LRRC4C: variants seen among roughly 807,000 people sequenced by gnomAD.
The protein encoded by LRRC4C is leucine rich repeat containing 4C, also known as leucine-rich repeat-containing protein 4C.
In LRRC4C, 5 loss-of-function variants were observed where a neutral mutation model predicts 33.6. That is an observed-to-expected ratio of 0.15 (90% CI 0.08 to 0.31). The LOEUF is 0.31. Among genes scored for constraint, LRRC4C ranks in the 10% least tolerant of loss-of-function variants. The pLI, the probability that LRRC4C is intolerant of heterozygous loss-of-function variation, is 1.00. For synonymous variants in LRRC4C, 329 were observed against 302.0 expected (o/e 1.09, Z -0.93); for missense variants, 560 against 796.7 (o/e 0.70, Z 3.58).
chr11:40,777,448 T>G (rs1950046654), intron 2 of LRRC4C, among the ~76,000 whole-genome samples: 1 of 151,920 alleles, frequency 6.6e-6, no homozygotes, highest in Non-Finnish European at 1.5e-5. Flanking sequence ...GTCTTCTTCC[T>G]GAATTAAAAC....
At chr11:40,532,673 G>T (rs1296697475) in intron 3 of LRRC4C, among the ~76,000 whole-genome samples, 2 of 147,378 alleles carry the variant, frequency 1.4e-5, no homozygotes, top group Non-Finnish European at 2.9e-5. Context: ...TAAAGTGTTA[G>T]TAGATTAAGA....
chr11:40,649,031 G>A (rs138445183), intron 2 of LRRC4C, among the ~76,000 whole-genome samples: 3 of 152,100 alleles, frequency 2.0e-5, no homozygotes, highest in African/African-American at 7.2e-5. Context: ...GCAAAAAGGA[G>A]AACAAAGATC....
chr11:40,533,150 T>C (rs151187017), intron 3 of LRRC4C, among the ~76,000 whole-genome samples: 2,561 of 152,232 alleles, frequency 0.017, 38 homozygotes, highest in South Asian at 0.033. Flanking sequence ...GCTGGTATCA[T>C]TTTGGAGCTA....
At chr11:41,175,345 G>A (rs1945152590) in intron 1 of LRRC4C, among the ~76,000 whole-genome samples, 1 of 152,078 alleles carries the variant, frequency 6.6e-6, no homozygotes, top group Non-Finnish European at 1.5e-5. Flanking sequence ...AGCTTATTCT[G>A]CAGGAGGAAA....
intron 1 of LRRC4C, among the ~76,000 whole-genome samples, chr11:41,083,489 C>G (rs1222983911): frequency 1.3e-5 from 2 of 152,144 alleles, no homozygotes; most frequent in Non-Finnish European, 2.9e-5. Flanking sequence ...CAGGGTTTTC[C>G]ATTCACAAGT....
intron 3 of LRRC4C, among the ~76,000 whole-genome samples, chr11:40,553,326 A>G (rs545085164): frequency 1.7e-4 from 26 of 152,274 alleles, no homozygotes; most frequent in African/African-American, 5.1e-4. Flanking sequence ...AAGTGTATGC[A>G]TTGATAATTT....
At position 40,224,438 on chromosome 11, in the gene LRRC4C, C is replaced by T. The variant is rs77507267; in HGVS notation, c.-96+17081G>A. Among the ~76,000 whole-genome samples the T allele has an allele frequency of 8.6e-3, 1,307 of 152,290 alleles. 18 individuals carry two copies. Among genetic ancestry groups the T allele is most frequent in the African/African-American group, 0.029 (1,190 of 41,576 alleles). On this transcript the variant is annotated intron_variant, in intron 5 of 6. Transcript: ENST00000528697. The stretch of plus-strand genomic sequence containing the variant: ...GTTCTCCGATTTACACCTTTCAAGA[C>T]GTGTGGTGCCCACAATAAATAAAAT...
At chr11:41,193,280 C>T (rs1946040274) in intron 1 of LRRC4C, among the ~76,000 whole-genome samples, 1 of 152,110 alleles carries the variant, frequency 6.6e-6, no homozygotes, top group Admixed American at 6.6e-5. Context: ...ATGCCCAAGA[C>T]TGAAGGAATC....
At chr11:40,587,243 A>G (rs1330526683) in intron 3 of LRRC4C, among the ~76,000 whole-genome samples, 1 of 148,590 alleles carries the variant, frequency 6.7e-6, no homozygotes, top group Non-Finnish European at 1.5e-5. Flanking sequence ...AGCAATTGTG[A>G]ATGGGAGTTC....
At chr11:40,885,304 T>A (rs1318343701) in intron 2 of LRRC4C, among the ~76,000 whole-genome samples, 1 of 152,074 alleles carries the variant, frequency 6.6e-6, no homozygotes, top group Non-Finnish European at 1.5e-5. Context: ...TTAAGTCCTC[T>A]TTTTTAGAGA....
At chr11:41,377,577 C>A (rs1591383476) in intron 1 of LRRC4C, among the ~76,000 whole-genome samples, 1 of 152,064 alleles carries the variant, frequency 6.6e-6, no homozygotes, top group East Asian at 1.9e-4. Context: ...TTTCCCATGG[C>A]ATGGTACAGA....
chr11:40,656,315 C>G (rs1320409400), intron 2 of LRRC4C, among the ~76,000 whole-genome samples: 1 of 151,442 alleles, frequency 6.6e-6, no homozygotes, highest in Non-Finnish European at 1.5e-5. Context: ...TAATTTCCTC[C>G]TCTTTTTCAC....
chr11:40,171,401 T>C (rs1264094604), intron 5 of LRRC4C, among the ~76,000 whole-genome samples: 1 of 152,112 alleles, frequency 6.6e-6, no homozygotes, highest in Non-Finnish European at 1.5e-5. Context: ...ACCCTAGCAA[T>C]AACTGGAACC....
intron 1 of LRRC4C, among the ~76,000 whole-genome samples, chr11:41,026,104 T>G (rs1856331839): frequency 6.6e-6 from 1 of 151,784 alleles, no homozygotes; most frequent in South Asian, 2.1e-4. Flanking sequence ...AGTCTTATTA[T>G]TTAGGAAATA....
At chr11:40,873,854 C>A (rs1954761800) in intron 2 of LRRC4C, among the ~76,000 whole-genome samples, 1 of 152,164 alleles carries the variant, frequency 6.6e-6, no homozygotes, top group Non-Finnish European at 1.5e-5. Flanking sequence ...TAAACATCTT[C>A]CATGTTTCAT....
intron 3 of LRRC4C, among the ~76,000 whole-genome samples, chr11:40,501,431 T>A (rs1386234483): frequency 6.6e-6 from 1 of 152,178 alleles, no homozygotes; most frequent in Non-Finnish European, 1.5e-5. Context: ...GCCTTGTCCC[T>A]GCAGCAAATT....
chr11:41,220,334 AG>A (rs774583974), intron 1 of LRRC4C, among the ~76,000 whole-genome samples: 1 of 152,162 alleles, frequency 6.6e-6, no homozygotes, highest in Non-Finnish European at 1.5e-5. Context: ...ACAACTAGTA[AG>A]GAAGGGCTCA....
At chr11:40,918,439 A>G (rs970563524) in intron 2 of LRRC4C, among the ~76,000 whole-genome samples, 6 of 151,868 alleles carry the variant, frequency 4.0e-5, no homozygotes, top group African/African-American at 1.2e-4. Flanking sequence ...AACTTGACCT[A>G]TTTCCTATTT....
chr11:41,320,113 A>C (rs1182186245), intron 1 of LRRC4C, among the ~76,000 whole-genome samples: 1 of 152,200 alleles, frequency 6.6e-6, no homozygotes, highest in Non-Finnish European at 1.5e-5. Context: ...TCCAAGTATC[A>C]ATTGAGAATA....
Sources: allele counts gnomAD v4.1 joint callset (sites outside exome capture counted in the v4.1 genomes callset), GRCh38; gene constraint gnomAD v4.1.1; transcripts MANE v1.5; gene names NCBI Gene and HGNC (gene_info 2026-07-23, HGNC 2026-07-21).